WDR47: variants seen among roughly 807,000 people sequenced by gnomAD.
The protein encoded by WDR47 is WD repeat domain 47.
Under a neutral mutation model 97.2 loss-of-function variants are expected in WDR47, and 32 were observed. The ratio of observed to expected loss-of-function variants is 0.33; its 90% CI spans 0.25 to 0.44. WDR47 has a LOEUF of 0.44. Among genes scored for constraint, WDR47 ranks in the 20% least tolerant of loss-of-function variants. WDR47 has a pLI of 1.00. For missense variants in WDR47, 782 were observed against 1,102.3 expected (o/e 0.71, Z 4.11); for synonymous variants, 375 against 373.5 (o/e 1.00, Z -0.05).
chr1:109,033,387 G>A (rs1218917026), intron 1 of WDR47, among the ~76,000 whole-genome samples: 3 of 152,056 alleles, frequency 2.0e-5, no homozygotes, highest in Non-Finnish European at 2.9e-5. Flanking sequence ...AATTCCAGAC[G>A]AAAAATGAGC....
At chr1:109,005,294 C>T (rs1306420018) in intron 5 of WDR47, among the ~76,000 whole-genome samples, 1 of 151,818 alleles carries the variant, frequency 6.6e-6, no homozygotes, top group Non-Finnish European at 1.5e-5. Context: ...CGCCTGTGGT[C>T]CCCAGCTACT....
At chr1:109,019,581 G>C (rs113538725) in intron 2 of WDR47, among the ~76,000 whole-genome samples, 1 of 152,078 alleles carries the variant, frequency 6.6e-6, no homozygotes, top group Non-Finnish European at 1.5e-5. Context: ...AGATCTACTG[G>C]GATCTAGTTG....
At chr1:108,988,919 G>A (rs902553153) in intron 9 of WDR47, among the ~76,000 whole-genome samples, 25 of 151,884 alleles carry the variant, frequency 1.6e-4, no homozygotes, top group African/African-American at 5.1e-4. Context: ...CACCACACCC[G>A]GCTAATTTTT....
chr1:108,975,920 G>A (rs964494862), intron 13 of WDR47, among the ~76,000 whole-genome samples: 1 of 152,108 alleles, frequency 6.6e-6, no homozygotes, highest in Non-Finnish European at 1.5e-5. Flanking sequence ...AAGGTTTAGA[G>A]GAAAAGTATA....
intron 6 of WDR47, 41 bp from the exon 7 acceptor site, chr1:109,002,443 T>A: frequency 7.1e-7 from 1 of 1,417,210 alleles, no homozygotes; most frequent in Non-Finnish European, 9.4e-7. Context: ...TTGAGCAAAC[T>A]ATGACAGAAT....
At chr1:109,004,132 G>C (rs1434087501) in intron 6 of WDR47, among the ~76,000 whole-genome samples, 1 of 152,000 alleles carries the variant, frequency 6.6e-6, no homozygotes, top group East Asian at 1.9e-4. Context: ...AGGTGTGGTG[G>C]CGGGCGCCTG....
intron 2 of WDR47, 149 bp from the exon 3 acceptor site, chr1:109,017,750 ATTTT>A (rs33990918): frequency 7.8e-4 from 340 of 437,950 alleles, no homozygotes; most frequent in Middle Eastern, 1.4e-3. Flanking sequence ...ATTTTTCATA[ATTTT>A]TTTTTTTTTT....
chr1:109,012,544 G>C (rs1661111333), intron 4 of WDR47, among the ~76,000 whole-genome samples: 1 of 133,038 alleles, frequency 7.5e-6, no homozygotes, highest in Non-Finnish European at 1.5e-5. Context: ...CTGCACTCCA[G>C]CCTGGGTGAC....
At chr1:109,012,308 C>T (rs940190628) in intron 4 of WDR47, among the ~76,000 whole-genome samples, 3 of 152,018 alleles carry the variant, frequency 2.0e-5, no homozygotes, top group Non-Finnish European at 4.4e-5. Flanking sequence ...GAGCCGAGCA[C>T]AGTGGCTCAC....
rs528411663 is a variant in WDR47 at position 108,971,213 on chromosome 1, T to C, written c.*217A>G. The C allele has an allele frequency of 2.2e-5, 12 of 556,262 alleles. No individual in the cohort carries two copies. The South Asian group carries it at 3.4e-4, about 16-fold the overall frequency. The allele number at this position is 556,262 out of a possible 1,614,324, so 34.5% of individuals were successfully genotyped here. On this transcript the variant is annotated 3_prime_UTR_variant, in exon 15 of 15. Transcript: ENST00000369962. ...TGCAGACTTTGGCAACGAGACTACA[T>C]ATAGCAGGTCACAGCAGCACGAGCT...
Position 109,041,920 on chromosome 1 carries a change from G to A in WDR47, c.-68C>T, listed in dbSNP as rs1370876942. ...GGAGGAGAACGCGGCTGGGAGGCCGGCGGCCAGGGCCCCGAAGCGGCCGGC... is the reference window on the plus strand; with the variant it reads ...GGAGGAGAACGCGGCTGGGAGGCCGACGGCCAGGGCCCCGAAGCGGCCGGC... On this transcript the variant is annotated 5_prime_UTR_variant, in exon 1 of 15. Transcript: ENST00000369962. The A allele has an allele frequency of 2.0e-5, 3 of 152,584 alleles. No individual in the cohort carries two copies. The highest frequency in any genetic ancestry group is 7.2e-5 in the African/African-American group (3 of 41,462). 9.5% of individuals were successfully genotyped at this position (152,584 alleles called of 1,614,324 possible).
intron 5 of WDR47, among the ~76,000 whole-genome samples, chr1:109,007,840 A>T (rs1660732217): frequency 6.6e-6 from 1 of 152,328 alleles, no homozygotes; most frequent in Middle Eastern, 3.4e-3. Flanking sequence ...GCAGTGGCTC[A>T]TGCCTGTAAT....
intron 3 of WDR47, 29 bp downstream of exon 3, chr1:109,017,489 G>C (rs779182350): frequency 6.4e-7 from 1 of 1,558,560 alleles, no homozygotes; most frequent in Non-Finnish European, 8.8e-7. Flanking sequence ...CCAATGATGA[G>C]ACACTAAAAA....
intron 7 of WDR47, among the ~76,000 whole-genome samples, chr1:109,001,348 C>G (rs1160316218): frequency 6.6e-6 from 1 of 151,920 alleles, no homozygotes; most frequent in Non-Finnish European, 1.5e-5. Flanking sequence ...TAAACACACA[C>G]GTGTGTGTAT....
intron 5 of WDR47, among the ~76,000 whole-genome samples, chr1:109,006,583 T>C (rs895297164): frequency 3.9e-5 from 6 of 152,182 alleles, no homozygotes; most frequent in Non-Finnish European, 8.8e-5. Context: ...CCATATGCAT[T>C]ATCTCATTTA....
chr1:109,014,426 T>C (rs1661266255), intron 3 of WDR47, among the ~76,000 whole-genome samples: 2 of 151,634 alleles, frequency 1.3e-5, no homozygotes, highest in Admixed American at 1.3e-4. Context: ...ACTTAAAGCT[T>C]TTTTCCTTTT....
At chr1:108,982,474 G>T in intron 12 of WDR47, 135 bp downstream of exon 12, 1 of 1,055,986 alleles carries the variant, frequency 9.5e-7, no homozygotes, top group Non-Finnish European at 1.3e-6. Context: ...TGAGGCCGCA[G>T]TGAGCTGTGA....
chr1:109,009,097 A>T (rs1037781207), intron 5 of WDR47, among the ~76,000 whole-genome samples: 1 of 152,106 alleles, frequency 6.6e-6, no homozygotes, highest in African/African-American at 2.4e-5. Flanking sequence ...AAAAAAATAA[A>T]AATAAAATAA....
At chr1:108,994,950 A>G (rs1223429698) in intron 8 of WDR47, among the ~76,000 whole-genome samples, 3 of 152,208 alleles carry the variant, frequency 2.0e-5, no homozygotes, top group African/African-American at 7.2e-5. Flanking sequence ...CAAGTTATAC[A>G]TTTTTGTACT....
Sources: allele counts gnomAD v4.1 joint callset (sites outside exome capture counted in the v4.1 genomes callset), GRCh38; gene constraint gnomAD v4.1.1; transcripts MANE v1.5; gene names NCBI Gene and HGNC (gene_info 2026-07-23, HGNC 2026-07-21).